The following TNR variants were observed in gnomAD, a reference collection of about 807,000 sequenced individuals.
The protein encoded by TNR is tenascin-R.
Under a neutral mutation model 150.4 loss-of-function variants are expected in TNR, and 45 were observed. The ratio of observed to expected loss-of-function variants is 0.30; its 90% CI spans 0.24 to 0.38. TNR has a LOEUF of 0.38. TNR is among the 10% of genes least tolerant of loss of function. The pLI is 1.00. For missense variants in TNR, 1,544 were observed against 1,759.1 expected (o/e 0.88, Z 2.19); for synonymous variants, 687 against 678.4 (o/e 1.01, Z -0.20).
chr1:175,562,997 A>G lies in TNR; in HGVS notation c.-164-34628T>C, dbSNP rs567488229. Reference sequence around the variant, plus strand: ...GTGGTTGACCAAATGGAGAGGTTGAATCAGGAAGCATGATTGATCCCATAA... The same window carrying G: ...GTGGTTGACCAAATGGAGAGGTTGAGTCAGGAAGCATGATTGATCCCATAA... On this transcript the variant is annotated intron_variant, in intron 1 of 22. Transcript: ENST00000367674. Among the ~76,000 whole-genome samples the G allele has an allele frequency of 7.2e-5, 11 of 152,350 alleles. No homozygotes were observed. In the South Asian group the frequency reaches 2.3e-3, roughly 32 times the overall value.
intron 2 of TNR, among the ~76,000 whole-genome samples, chr1:175,494,402 A>G (rs1209859535): frequency 6.6e-6 from 1 of 152,252 alleles, no homozygotes; most frequent in Non-Finnish European, 1.5e-5. Context: ...GCAACTCTGC[A>G]GCAGTAGAGT....
In TNR at chr1:175,379,567, T is replaced by C. The variant is rs970235738; in HGVS notation, c.1948A>G (p.Arg650Gly). 1 of 1,613,316 alleles carries C rather than the reference T, an allele frequency of 6.2e-7. No individual in the cohort carries two copies. Among genetic ancestry groups the C allele is most frequent in the African/African-American group, 1.3e-5 (1 of 74,904 alleles). The stretch of plus-strand genomic sequence containing the variant: ...TCTTACTCACCTGTCAGGGTGGCCC[T>C]GGTGGTTGGACCAATGCCCCTGGGG... ...LVPRGIGPTT[R>G]ATLTDLVPGT... Residue 650 changes from arginine to glycine, a missense_variant, in exon 9 of 23, where the codon AGG becomes GGG. Arg to Gly is a moderately radical substitution (Grantham distance 125). Transcript: ENST00000367674.
intron 1 of TNR, among the ~76,000 whole-genome samples, chr1:175,674,631 A>G (rs1027554185): frequency 2.0e-5 from 3 of 152,084 alleles, no homozygotes; most frequent in African/African-American, 4.8e-5. Flanking sequence ...CTAAACTGAG[A>G]CAGTCCTGGG....
chr1:175,613,729 C>A (rs1663673734), intron 1 of TNR, among the ~76,000 whole-genome samples: 1 of 152,182 alleles, frequency 6.6e-6, no homozygotes, highest in Non-Finnish European at 1.5e-5. Context: ...ACTGCCCTCT[C>A]CCTTCTTCAG....
chr1:175,368,187 A>G (rs948674856), intron 9 of TNR, among the ~76,000 whole-genome samples: 1 of 152,226 alleles, frequency 6.6e-6, no homozygotes, highest in African/African-American at 2.4e-5. Flanking sequence ...TACAACAACA[A>G]AAGTGGATTC....
Position 175,359,139 on chromosome 1 carries a change from C to CTTTTTTTTTTTTTTTTTTTTTTTTT in TNR, c.2974+448_2974+472dup, listed in dbSNP as rs758610631. Among the ~76,000 whole-genome samples the CTTTTTTTTTTTTTTTTTTTTTTTTT allele has an allele frequency of 1.9e-4, 8 of 42,148 alleles. 1 individual carries two copies. The highest frequency in any genetic ancestry group is 4.0e-4 in the Admixed American group (1 of 2,520). 27.7% of individuals were successfully genotyped at this position (42,148 alleles called of 152,430 possible). On this transcript the variant is annotated intron_variant, in intron 15 of 22. Coordinates refer to ENST00000367674, the MANE Select transcript of TNR (RefSeq NM_003285.3). ...AGTTTGCAGAGTTTGGGGATATCTT[C>CTTTTTTTTTTTTTTTTTTTTTTTTT]TTTTTTTTTTTTTTTTTTTTTTTTT...
chr1:175,665,205 T>C (rs1199972567), intron 1 of TNR, among the ~76,000 whole-genome samples: 1 of 152,226 alleles, frequency 6.6e-6, no homozygotes, highest in East Asian at 1.9e-4. Flanking sequence ...GCTAGCACTT[T>C]GGGGATTTTA....
chr1:175,696,901 TATC>T lies in TNR; in HGVS notation c.-165+46322_-165+46324del, dbSNP rs1371243267. On this transcript the variant is annotated intron_variant, in intron 1 of 22. Coordinates refer to ENST00000367674, the MANE Select transcript of TNR (RefSeq NM_003285.3). ...TCTCAAAAAAAAAAAAAAAAAAGAA[TATC>T]ATAATTTTAAATGAAAGTAAATGCT... Among the ~76,000 whole-genome samples the T allele has an allele frequency of 4.1e-4, 62 of 149,730 alleles. 1 individual carries two copies. In the South Asian group the frequency reaches 0.012, roughly 29 times the overall value.
chr1:175,646,637 G>C (rs565148379), intron 1 of TNR, among the ~76,000 whole-genome samples: 11 of 152,160 alleles, frequency 7.2e-5, no homozygotes, highest in Non-Finnish European at 1.3e-4. Context: ...AGGCCAAATT[G>C]GGCCTGCAGC....
chr1:175,699,317 C>T (rs1305031992), intron 1 of TNR, among the ~76,000 whole-genome samples: 2 of 152,148 alleles, frequency 1.3e-5, no homozygotes, highest in Non-Finnish European at 2.9e-5. Context: ...AGTGAATGGA[C>T]AGGAAAGATA....
intron 2 of TNR, among the ~76,000 whole-genome samples, chr1:175,527,597 GTA>G (rs1243783587): frequency 6.6e-6 from 1 of 152,190 alleles, no homozygotes; most frequent in Non-Finnish European, 1.5e-5. Flanking sequence ...TCCCAGTTCA[GTA>G]TATCAAGTTT....
At chr1:175,696,231 T>TG (rs762472201) in intron 1 of TNR, among the ~76,000 whole-genome samples, 12 of 145,264 alleles carry the variant, frequency 8.3e-5, no homozygotes, top group Non-Finnish European at 1.3e-4. Flanking sequence ...TTTTTTTTTT[T>TG]TTTTTTTTTT....
chr1:175,451,690 C>T (rs924910633), intron 2 of TNR, among the ~76,000 whole-genome samples: 3 of 152,162 alleles, frequency 2.0e-5, no homozygotes, highest in African/African-American at 4.8e-5. Flanking sequence ...TTATGGAGCC[C>T]GTCTATCTCA....
chr1:175,729,247 C>A (rs1645999446), intron 1 of TNR, among the ~76,000 whole-genome samples: 1 of 152,084 alleles, frequency 6.6e-6, no homozygotes, highest in African/African-American at 2.4e-5. Context: ...TGCTGACACG[C>A]AAATCAATAG....
At position 175,365,047 on chromosome 1, in the gene TNR, T is replaced by C. The variant is rs139865233; in HGVS notation, c.2550A>G (p.Thr850=). The C allele has an allele frequency of 1.1e-4, 181 of 1,613,726 alleles. 1 individual carries two copies. In the African/African-American group the frequency reaches 2.2e-3, roughly 19 times the overall value. ...AGCCCACAATGGGCTCAGAGGTCACTGTGCCATGGACAGCCACAAGGTTCA... is the reference window on the plus strand; with the variant it reads ...AGCCCACAATGGGCTCAGAGGTCACCGTGCCATGGACAGCCACAAGGTTCA... ...YIVNLVAVHG[T]VTSEPIVGSI... The change falls in exon 12 of 23, where the codon ACA becomes ACG. Residue 850 remains threonine (T), a synonymous_variant. Transcript: ENST00000367674.
At chr1:175,440,851 A>G (rs74762061) in intron 2 of TNR, among the ~76,000 whole-genome samples, 5,700 of 152,250 alleles carry the variant, frequency 0.037, 161 homozygotes, top group African/African-American at 0.08. Context: ...ATGCTACAGA[A>G]TAGAGAGGAT....
chr1:175,568,794 T>C lies in TNR; in HGVS notation c.-164-40425A>G, dbSNP rs367749480. On this transcript the variant is annotated intron_variant, in intron 1 of 22. Transcript: ENST00000367674. Reference sequence around the variant, plus strand: ...GACTTGAGACTCTTGAAGGAAGCCATAATGGCTTCCAGATAGATGAAATGG... The same window carrying C: ...GACTTGAGACTCTTGAAGGAAGCCACAATGGCTTCCAGATAGATGAAATGG... Among the ~76,000 whole-genome samples the C allele has an allele frequency of 2.6e-5, 4 of 152,298 alleles. No individual in the cohort carries two copies. In the East Asian group the frequency reaches 5.8e-4, roughly 22 times the overall value.
chr1:175,429,105 T>C (rs1405280401), intron 2 of TNR, among the ~76,000 whole-genome samples: 1 of 152,178 alleles, frequency 6.6e-6, no homozygotes, highest in African/African-American at 2.4e-5. Context: ...TTCTATGATA[T>C]GGGTTGTGAT....
chr1:175,684,544 C>T (rs76474297), intron 1 of TNR, among the ~76,000 whole-genome samples: 1 of 152,198 alleles, frequency 6.6e-6, no homozygotes, highest in Non-Finnish European at 1.5e-5. Flanking sequence ...AACAACGTTA[C>T]ACAGGTGGTG....
Sources: allele counts gnomAD v4.1 joint callset (sites outside exome capture counted in the v4.1 genomes callset), GRCh38; gene constraint gnomAD v4.1.1; transcripts MANE v1.5; gene names NCBI Gene and HGNC (gene_info 2026-07-23, HGNC 2026-07-21).